LINC00237: variants seen among roughly 807,000 people sequenced by gnomAD.
The protein encoded by LINC00237 is long independently transcribed non-coding RNA 237.
chr20:21,104,477 C>T (rs2030971970), intron 1 of LINC00237, among the ~76,000 whole-genome samples: 1 of 152,236 alleles, frequency 6.6e-6, no homozygotes, highest in African/African-American at 2.4e-5. Context: ...TTACCACTAA[C>T]TCACCTTGAG....
chr20:21,090,299 T>G (rs570801774), intron 2 of LINC00237: 2 of 152,252 alleles, frequency 1.3e-5, no homozygotes, highest in Non-Finnish European at 2.9e-5. Flanking sequence ...TCTTAATGAC[T>G]GGCATTGTTG....
Position 21,086,685 on chromosome 20 carries a change from A to ATATATAG in LINC00237, n.560-798_560-797insCTATATA, listed in dbSNP as rs2030707879. Among the ~76,000 whole-genome samples, 120 of 94,960 alleles carry ATATATAG rather than the reference A, an allele frequency of 1.3e-3. 2 individuals are homozygous for ATATATAG. The highest frequency in any genetic ancestry group is 5.8e-3 in the African/African-American group (116 of 19,976). 62.3% of individuals were successfully genotyped at this position (94,960 alleles called of 152,430 possible). On this transcript the variant is annotated intron_variant and non_coding_transcript_variant, in intron 3 of 3. Coordinates refer to ENST00000691244, the Ensembl canonical transcript of LINC00237. The stretch of plus-strand genomic sequence containing the variant: ...TAGTATACTATATATAGTATACTAC[A>ATATATAG]TATACATATGTAGTATACTATATAT...
chr20:21,098,238 G>C (rs2030885280), intron 1 of LINC00237, among the ~76,000 whole-genome samples: 1 of 152,196 alleles, frequency 6.6e-6, no homozygotes, highest in South Asian at 2.1e-4. Context: ...CTGCTGACTA[G>C]AGGAGTCTGA....
In LINC00237 at chr20:21,101,852, G is replaced by A. The variant is rs576923833; in HGVS notation, n.88+4419C>T. Among the ~76,000 whole-genome samples the A allele has an allele frequency of 2.4e-4, 37 of 152,306 alleles. No homozygotes were observed. The South Asian group carries it at 7.0e-3, about 29-fold the overall frequency. ...CCCCTAGCTGAGTGCAGGGGCCAGA[G>A]GCTGGCGGGGGCACGCGGGGGTGGT... is the stretch of plus-strand genomic sequence containing the variant. On this transcript the variant is annotated intron_variant and non_coding_transcript_variant, in intron 1 of 3. Coordinates refer to ENST00000691244, the Ensembl canonical transcript of LINC00237. This position sits in a 1 kb window ranked among gnomAD's most constrained non-coding sequence, Gnocchi z 4.3.
chr20:21,094,144 A>G (rs2030826439), intron 1 of LINC00237, among the ~76,000 whole-genome samples: 1 of 152,218 alleles, frequency 6.6e-6, no homozygotes, highest in Middle Eastern at 3.2e-3. Context: ...GGAGGATTTC[A>G]GAATTATTTA....
At chr20:21,105,947 A>T (rs976431993) in intron 1 of LINC00237, among the ~76,000 whole-genome samples, 1 of 151,954 alleles carries the variant, frequency 6.6e-6, no homozygotes, top group African/African-American at 2.4e-5. Flanking sequence ...AAACCCCACA[A>T]AGTCAAGGCG....
chr20:21,094,214 T>A (rs1235268127), intron 1 of LINC00237, among the ~76,000 whole-genome samples: 1 of 152,180 alleles, frequency 6.6e-6, no homozygotes, highest in African/African-American at 2.4e-5. Context: ...GTTCTACTGA[T>A]CTAATCTTAA....
At chr20:21,102,773 T>C (rs1316844855) in intron 1 of LINC00237, among the ~76,000 whole-genome samples, 1 of 151,334 alleles carries the variant, frequency 6.6e-6, no homozygotes, top group Non-Finnish European at 1.5e-5. Flanking sequence ...TGTCACTCAG[T>C]TGAACAGTGT....
exon 3 of LINC00237, chr20:21,087,982 A>G (rs1175976577): frequency 6.6e-6 from 1 of 152,186 alleles, no homozygotes; most frequent in Non-Finnish European, 1.5e-5. Flanking sequence ...CCAAACTTTA[A>G]GGGGAGCAGC....
intron 1 of LINC00237, among the ~76,000 whole-genome samples, chr20:21,103,140 G>C (rs978405027): frequency 7.9e-5 from 12 of 152,258 alleles, no homozygotes; most frequent in Non-Finnish European, 1.5e-4. Flanking sequence ...GCCCCAAACC[G>C]GAGGCGCTGT....
intron 1 of LINC00237, among the ~76,000 whole-genome samples, chr20:21,104,124 G>T (rs1485090279): frequency 6.6e-6 from 1 of 152,142 alleles, no homozygotes; most frequent in Non-Finnish European, 1.5e-5. Flanking sequence ...CGTCCACCAG[G>T]CGCACACTAT....
chr20:21,105,279 C>T (rs901178769), intron 1 of LINC00237, among the ~76,000 whole-genome samples: 1 of 151,824 alleles, frequency 6.6e-6, no homozygotes. Context: ...ACAACCCCCC[C>T]GTCCCCCGCC....
At chr20:21,086,637 A>G (rs1245152499) in intron 3 of LINC00237, among the ~76,000 whole-genome samples, 1 of 133,902 alleles carries the variant, frequency 7.5e-6, no homozygotes, top group East Asian at 2.1e-4. Flanking sequence ...ATAGTATACT[A>G]TATATAGTAT....
intron 2 of LINC00237, among the ~76,000 whole-genome samples, chr20:21,091,902 C>T (rs1175608495): frequency 6.6e-6 from 1 of 152,140 alleles, no homozygotes; most frequent in African/African-American, 2.4e-5. Flanking sequence ...TCCCAGATTT[C>T]TTTGGTATTT....
At chr20:21,086,831 TACTATATATGTATAGTATAC>T (rs1600309105) in intron 3 of LINC00237, among the ~76,000 whole-genome samples, 1 of 125,286 alleles carries the variant, frequency 8.0e-6, no homozygotes, top group East Asian at 2.2e-4. Context: ...ATATAGTGTA[TACTATATATGTATAGTATAC>T]ACTATATATG....
At chr20:21,087,053 A>G (rs2122165238) in intron 3 of LINC00237, among the ~76,000 whole-genome samples, 1 of 147,950 alleles carries the variant, frequency 6.8e-6, no homozygotes, top group Non-Finnish European at 1.5e-5. Flanking sequence ...CATATATAGT[A>G]TACATATATA....
chr20:21,098,657 A>G (rs1477650195), intron 1 of LINC00237, among the ~76,000 whole-genome samples: 1 of 152,222 alleles, frequency 6.6e-6, no homozygotes, highest in Admixed American at 6.5e-5. Context: ...GGTAGTTTTC[A>G]GTGGCTTCAA....
At chr20:21,090,580 C>T (rs1012864800) in intron 2 of LINC00237, 1 of 152,258 alleles carries the variant, frequency 6.6e-6, no homozygotes, top group African/African-American at 2.4e-5. Context: ...TGCAAAATAG[C>T]TTGGACTTCA....
chr20:21,101,173 A>G lies in LINC00237; in HGVS notation n.88+5098T>C, dbSNP rs1332392236. ...TGGGGAAATTACTTGATTAGCGTCCATCGGAGGAGAACACGGTTACAGCCC... is the reference window on the plus strand; with the variant it reads ...TGGGGAAATTACTTGATTAGCGTCCGTCGGAGGAGAACACGGTTACAGCCC... On this transcript the variant is annotated intron_variant and non_coding_transcript_variant, in intron 1 of 3. Coordinates refer to ENST00000691244, the Ensembl canonical transcript of LINC00237. This position sits in a 1 kb window ranked among gnomAD's most constrained non-coding sequence, Gnocchi z 4.3. Among the ~76,000 whole-genome samples, 1 of 152,234 alleles carries G rather than the reference A, an allele frequency of 6.6e-6. No individual in the cohort carries two copies. Among genetic ancestry groups the G allele is most frequent in the Admixed American group, 6.5e-5 (1 of 15,292 alleles).
Sources: allele counts gnomAD v4.1 joint callset (sites outside exome capture counted in the v4.1 genomes callset), GRCh38; gene constraint gnomAD v4.1.1; non-coding constraint Gnocchi (gnomAD v3.1); transcripts MANE v1.5; gene names NCBI Gene and HGNC (gene_info 2026-07-23, HGNC 2026-07-21).